Variants in ENTPD6 observed in about 807,000 individuals in gnomAD.
The protein encoded by ENTPD6 is CD39 antigen-like 2.
A neutral mutation model predicts 61.5 loss-of-function variants in ENTPD6; 46 were observed. The observed-to-expected ratio is 0.75, with a 90% CI of 0.59 to 0.96. ENTPD6 has a LOEUF of 0.96. Ranked by LOEUF, ENTPD6 falls within the 40% of genes least tolerant of loss-of-function variation. The probability of loss-of-function intolerance (pLI) is 0.00; values close to 1 mark genes in which losing one functional copy is unlikely to be tolerated. For synonymous variants in ENTPD6, 252 were observed against 255.5 expected (o/e 0.99, Z 0.13); for missense variants, 612 against 629.0 (o/e 0.97, Z 0.29).
intron 1 of ENTPD6, among the ~76,000 whole-genome samples, chr20:25,201,892 A>AT (rs1211602842): frequency 6.6e-6 from 1 of 151,966 alleles, no homozygotes; most frequent in East Asian, 1.9e-4. Flanking sequence ...TAATTTTTTT[A>AT]TTTTTTGTAG....
intron 3 of ENTPD6, among the ~76,000 whole-genome samples, chr20:25,208,019 G>A (rs2091659940): frequency 6.6e-6 from 1 of 152,298 alleles, no homozygotes; most frequent in East Asian, 1.9e-4. Flanking sequence ...CCCCTCTCGT[G>A]CCCGTGACCC....
At position 25,222,833 on chromosome 20, in the gene ENTPD6, C is replaced by T. The variant is rs2123333012; in HGVS notation, c.1046-5C>T. On this transcript the variant is annotated splice_polypyrimidine_tract_variant and splice_region_variant and intron_variant, in intron 11 of 14. Transcript: ENST00000376652. ...ACTGACCGCTAGCCTTGTGCTTGTCCCCAGCGGCAAGCCTGCACGAGCTGT... is the reference window on the plus strand; with the variant it reads ...ACTGACCGCTAGCCTTGTGCTTGTCTCCAGCGGCAAGCCTGCACGAGCTGT... The T allele has an allele frequency of 6.2e-7, 1 of 1,613,436 alleles. No homozygotes were observed. The highest frequency in any genetic ancestry group is 8.5e-7 in the Non-Finnish European group (1 of 1,179,862).
intron 1 of ENTPD6, 33 bp from the exon 2 acceptor site, chr20:25,206,489 G>A (rs745649886): frequency 3.9e-6 from 6 of 1,551,486 alleles, no homozygotes; most frequent in Non-Finnish European, 5.3e-6. Flanking sequence ...TGTAGGCTTT[G>A]GAAGTACACA....
intron 8 of ENTPD6, among the ~76,000 whole-genome samples, chr20:25,217,263 G>A (rs1030399101): frequency 1.1e-4 from 17 of 152,118 alleles, no homozygotes; most frequent in East Asian, 1.9e-4. Context: ...TATGATCGTC[G>A]TCATGTCTGG....
intron 1 of ENTPD6, among the ~76,000 whole-genome samples, chr20:25,201,328 C>A (rs1316729358): frequency 6.6e-6 from 1 of 152,214 alleles, no homozygotes; most frequent in African/African-American, 2.4e-5. Flanking sequence ...ATTTTTCTGT[C>A]CATTATTCAA....
chr20:25,225,250 G>T lies in ENTPD6; in HGVS notation c.1289G>T (p.Cys430Phe), dbSNP rs745410221. The T allele has an allele frequency of 1.2e-6, 2 of 1,613,578 alleles. No homozygotes were observed. Among genetic ancestry groups the T allele is most frequent in the Non-Finnish European group, 1.7e-6 (2 of 1,179,940 alleles). The change falls in exon 14 of 15, where the codon TGC becomes TTC. Residue 430 changes from cysteine to phenylalanine, a missense_variant. By Grantham distance (205) the Cys-to-Phe change is radical. Transcript: ENST00000376652. ...CAGCCGCAGAGCAGCCCCTTCTCAT[G>T]CATGGACCTCACCTACGTCAGCCTG... is the stretch of plus-strand genomic sequence containing the variant. ...ETQPQSSPFS[C>F]MDLTYVSLLL...
chr20:25,211,045 TC>T (rs2091928610), intron 4 of ENTPD6, among the ~76,000 whole-genome samples: 1 of 152,264 alleles, frequency 6.6e-6, no homozygotes, highest in African/African-American at 2.4e-5. Context: ...CATTGCTACT[TC>T]TATCTAAAGT....
At chr20:25,203,134 A>G (rs1210428765) in intron 1 of ENTPD6, among the ~76,000 whole-genome samples, 2 of 152,188 alleles carry the variant, frequency 1.3e-5, no homozygotes, top group Non-Finnish European at 2.9e-5. Flanking sequence ...GGTTTCTGCT[A>G]AGACATTGGC....
At chr20:25,216,768 C>G (rs1211523238) in intron 8 of ENTPD6, 32 bp downstream of exon 8, 1 of 1,540,000 alleles carries the variant, frequency 6.5e-7, no homozygotes, top group African/African-American at 1.4e-5. Flanking sequence ...AGCGCTCTTT[C>G]CACCCCGAGG....
At chr20:25,204,358 G>A (rs183369294) in intron 1 of ENTPD6, among the ~76,000 whole-genome samples, 3 of 152,000 alleles carry the variant, frequency 2.0e-5, no homozygotes, top group Non-Finnish European at 2.9e-5. Context: ...CTGAATTATC[G>A]AATTTTGATA....
At position 25,207,195 on chromosome 20, in the gene ENTPD6, C is replaced by G. The variant is rs771110880; in HGVS notation, c.174C>G (p.Ala58=). Residue 58 remains alanine, a synonymous_variant, in exon 3 of 15, where the codon GCC becomes GCG. Transcript: ENST00000376652. The stretch of plus-strand genomic sequence containing the variant: ...GTGTGGGCGTGTTCATCTATGTTGC[C>G]TACATCAAGTGGCACCGGGCCACCG... ...GLCVGVFIYV[A]YIKWHRATAT... The G allele has an allele frequency of 1.9e-6, 3 of 1,614,136 alleles. No individual in the cohort carries two copies. In the Admixed American group the frequency reaches 5.0e-5, roughly 27 times the overall value.
intron 4 of ENTPD6, among the ~76,000 whole-genome samples, chr20:25,212,912 A>T (rs1490976025): frequency 6.6e-6 from 1 of 152,200 alleles, no homozygotes; most frequent in African/African-American, 2.4e-5. Context: ...TCACCCTGTT[A>T]GCCAAGATGG....
rs1376847616 is a variant in ENTPD6, at chr20:25,226,243, C to G, written c.*646C>G. 1 of 152,744 alleles carries G rather than the reference C, an allele frequency of 6.5e-6. No homozygotes were observed. Among genetic ancestry groups the G allele is most frequent in the Admixed American group, 6.5e-5 (1 of 15,290 alleles). 9.5% of individuals were successfully genotyped at this position (152,744 alleles called of 1,614,324 possible). A position where few individuals can be genotyped will look rare whatever the true frequency, so the allele number is the denominator to read the frequency against. On this transcript the variant is annotated 3_prime_UTR_variant, in exon 15 of 15. Transcript: ENST00000376652. ...ATGGAGGGAGACACCTCCTCATAGA[C>G]GGCAGGTGCCCACCTTTCAGGGAGT...
intron 8 of ENTPD6, among the ~76,000 whole-genome samples, chr20:25,217,208 T>C (rs1051430674): frequency 3.3e-5 from 5 of 152,146 alleles, no homozygotes; most frequent in African/African-American, 1.2e-4. Flanking sequence ...CTCATCCTCC[T>C]GTTATGGGTA....
At chr20:25,219,727 C>A (rs537868123) in intron 10 of ENTPD6, among the ~76,000 whole-genome samples, 1 of 152,328 alleles carries the variant, frequency 6.6e-6, no homozygotes, top group South Asian at 2.1e-4. Context: ...AATGCCCTTA[C>A]CTCAGCCCCC....
At chr20:25,224,467 AC>A (rs2092738237) in intron 13 of ENTPD6, 1 of 218,428 alleles carries the variant, frequency 4.6e-6, no homozygotes, top group African/African-American at 2.3e-5. Flanking sequence ...CCAAGGCCCT[AC>A]AGAATGGAGC....
At chr20:25,200,949 T>C (rs1011826243) in intron 1 of ENTPD6, among the ~76,000 whole-genome samples, 6 of 152,248 alleles carry the variant, frequency 3.9e-5, no homozygotes, top group Non-Finnish European at 8.8e-5. Flanking sequence ...TGTTTACAGC[T>C]GTACATTTCC....
Position 25,224,139 on chromosome 20 carries a change from G to A in ENTPD6, c.1225G>A (p.Glu409Lys), listed in dbSNP as rs780480288. 1.1e-5 allele frequency: 17 copies of A among 1,612,382 alleles called. No individual in the cohort carries two copies. Among genetic ancestry groups the A allele is most frequent in the East Asian group, 4.5e-5 (2 of 44,780 alleles). Reference protein sequence around the residue: ...KGGSLVVGDFEIAAKYVCRTL... With the variant: ...KGGSLVVGDFKIAAKYVCRTL... ...AGGCAGCCTGGTGGTGGGGGACTTC[G>A]AGATCGCAGCCAAGTACGGTGAGTG... Residue 409 changes from glutamate (E) to lysine (K), a missense_variant, in exon 13 of 15, where the codon GAG becomes AAG. Transcript: ENST00000376652.
In ENTPD6 at chr20:25,225,482, C is replaced by G; in HGVS notation, c.1357-17C>G. The G allele has an allele frequency of 6.2e-7, 1 of 1,611,596 alleles. No individual in the cohort carries two copies. Among genetic ancestry groups the G allele is most frequent in the African/African-American group, 1.3e-5 (1 of 75,018 alleles). ...CTGTCTGTGTGATGGTCCCCTCTCCCTCTCTGTCTTTTCAAGCTCACTCGG... is the reference window on the plus strand; with the variant it reads ...CTGTCTGTGTGATGGTCCCCTCTCCGTCTCTGTCTTTTCAAGCTCACTCGG... On this transcript the variant is annotated splice_polypyrimidine_tract_variant and intron_variant, in intron 14 of 14. Transcript: ENST00000376652.
Sources: allele counts gnomAD v4.1 joint callset (sites outside exome capture counted in the v4.1 genomes callset), GRCh38; gene constraint gnomAD v4.1.1; transcripts MANE v1.5; gene names NCBI Gene and HGNC (gene_info 2026-07-23, HGNC 2026-07-21).